The following CLSTN2 variants were observed in gnomAD, a reference collection of about 807,000 sequenced individuals.
CLSTN2 encodes the protein calsyntenin-2.
CLSTN2 carries 48 observed loss-of-function variants against 101.2 expected under a neutral mutation model. The observed-to-expected ratio is 0.47, with a 90% CI of 0.38 to 0.60. The LOEUF is 0.60. Ranked by LOEUF, CLSTN2 falls within the 20% of genes least tolerant of loss-of-function variation. The probability of loss-of-function intolerance (pLI) is 0.00; values close to 1 mark genes in which losing one functional copy is unlikely to be tolerated. For missense variants in CLSTN2, 1,160 were observed against 1,238.2 expected, an observed-to-expected ratio of 0.94 and a Z score of 0.95; for synonymous variants, 481 against 463.6, an observed-to-expected ratio of 1.04 and a Z score of -0.48.
intron 5 of CLSTN2, among the ~76,000 whole-genome samples, chr3:140,427,875 G>A (rs1217066797): frequency 6.6e-6 from 1 of 152,208 alleles, no homozygotes; most frequent in Non-Finnish European, 1.5e-5. Flanking sequence ...AGTGAACCCA[G>A]TTTGGTCTTC....
intron 2 of CLSTN2, among the ~76,000 whole-genome samples, chr3:140,328,288 C>T (rs987785202): frequency 1.3e-5 from 2 of 152,178 alleles, no homozygotes; most frequent in Non-Finnish European, 2.9e-5. Flanking sequence ...CCACGATAAT[C>T]AGCAGAGAGA....
chr3:140,284,972 C>G (rs1324288254), intron 2 of CLSTN2, among the ~76,000 whole-genome samples: 1 of 151,966 alleles, frequency 6.6e-6, no homozygotes, highest in Admixed American at 6.6e-5. Flanking sequence ...GGCTTGCATG[C>G]AGGTTTATTG....
chr3:139,938,556 A>T (rs1935069556), intron 1 of CLSTN2, among the ~76,000 whole-genome samples: 1 of 152,244 alleles, frequency 6.6e-6, no homozygotes, highest in Non-Finnish European at 1.5e-5. Context: ...AAAAAGATAA[A>T]TACTTCTTGG....
In CLSTN2 at chr3:140,034,727, T is replaced by A. The variant is rs182583110; in HGVS notation, c.109+99244T>A. ...GAAGTTTGGTATCTGTTGATAGCAA[T>A]CAACTCTTTTCCTCCAACCTCCTCA... On this transcript the variant is annotated intron_variant, in intron 1 of 16. Coordinates refer to ENST00000458420, the MANE Select transcript of CLSTN2 (RefSeq NM_022131.3). Among the ~76,000 whole-genome samples the A allele has an allele frequency of 2.0e-5, 3 of 152,326 alleles. No homozygotes were observed. The South Asian group carries it at 6.2e-4, about 32-fold the overall frequency.
At chr3:140,063,499 C>T (rs945006743) in intron 1 of CLSTN2, among the ~76,000 whole-genome samples, 13 of 152,184 alleles carry the variant, frequency 8.5e-5, no homozygotes, top group African/African-American at 2.9e-4. Context: ...ATATGCATTG[C>T]AGTCTCCAGG....
intron 1 of CLSTN2, among the ~76,000 whole-genome samples, chr3:140,132,674 C>A (rs1406109451): frequency 6.6e-6 from 1 of 152,172 alleles, no homozygotes; most frequent in Non-Finnish European, 1.5e-5. Flanking sequence ...GAAGTGAATT[C>A]TTTTAAAACA....
chr3:140,112,368 TG>T (rs752503528), intron 1 of CLSTN2, among the ~76,000 whole-genome samples: 8 of 151,466 alleles, frequency 5.3e-5, no homozygotes, highest in African/African-American at 2.0e-4. Context: ...TGTGTGTGTG[TG>T]TTTTTTACTA....
At chr3:140,348,325 A>G (rs2087569818) in intron 2 of CLSTN2, among the ~76,000 whole-genome samples, 1 of 152,202 alleles carries the variant, frequency 6.6e-6, no homozygotes, top group Non-Finnish European at 1.5e-5. Flanking sequence ...CAACTTTTAA[A>G]ACATGTATTT....
chr3:140,343,023 A>G (rs2107937291), intron 2 of CLSTN2, among the ~76,000 whole-genome samples: 1 of 152,248 alleles, frequency 6.6e-6, no homozygotes, highest in East Asian at 1.9e-4. Flanking sequence ...AGACGGGAGG[A>G]GTAGTCAAAG....
chr3:139,994,359 CA>C (rs1337323334), intron 1 of CLSTN2, among the ~76,000 whole-genome samples: 1 of 152,174 alleles, frequency 6.6e-6, no homozygotes, highest in Non-Finnish European at 1.5e-5. Context: ...CATCCATGTC[CA>C]TATCACTTAA....
chr3:140,203,473 T>G (rs1014171224), intron 2 of CLSTN2, among the ~76,000 whole-genome samples: 2 of 143,500 alleles, frequency 1.4e-5, no homozygotes, highest in African/African-American at 2.5e-5. Flanking sequence ...TTTTTTTTTT[T>G]TTTTTTTTTT....
intron 2 of CLSTN2, among the ~76,000 whole-genome samples, chr3:140,260,381 A>G (rs372191395): frequency 6.6e-6 from 1 of 151,902 alleles, no homozygotes; most frequent in Admixed American, 6.5e-5. Context: ...AGGTTGAGGA[A>G]TCTTTTTTCT....
chr3:140,136,435 A>T (rs1210450071), intron 1 of CLSTN2, among the ~76,000 whole-genome samples: 1 of 152,212 alleles, frequency 6.6e-6, no homozygotes, highest in Non-Finnish European at 1.5e-5. Context: ...GATGAAAATT[A>T]GTATTGTGCT....
chr3:140,308,983 G>A (rs757424931), intron 2 of CLSTN2, among the ~76,000 whole-genome samples: 22 of 152,166 alleles, frequency 1.4e-4, no homozygotes, highest in Non-Finnish European at 2.6e-4. Flanking sequence ...TTTACTAGCT[G>A]TGTAATCTTT....
intron 8 of CLSTN2, among the ~76,000 whole-genome samples, chr3:140,528,727 A>T (rs1168580983): frequency 6.6e-6 from 1 of 152,190 alleles, no homozygotes; most frequent in Non-Finnish European, 1.5e-5. Context: ...TGAAATATTA[A>T]CAGTTCTTCA....
At chr3:140,539,084 T>C (rs1352576277) in intron 9 of CLSTN2, among the ~76,000 whole-genome samples, 1 of 152,254 alleles carries the variant, frequency 6.6e-6, no homozygotes, top group Non-Finnish European at 1.5e-5. Flanking sequence ...CTAGCTGCTC[T>C]GAGAGATCCT....
At position 140,403,707 on chromosome 3, in the gene CLSTN2, G is replaced by A. The variant is rs2088269736; in HGVS notation, c.311G>A (p.Gly104Asp). 6.2e-7 allele frequency: 1 copy of A among 1,614,036 alleles called. No homozygotes were observed. ...GTGCTCAACAAGACATCAGGAGAGGGCCGGCTCCGTGCCAAGAGCCCCATT... is the reference window on the plus strand; with the variant it reads ...GTGCTCAACAAGACATCAGGAGAGGACCGGCTCCGTGCCAAGAGCCCCATT... ...AVVLNKTSGE[G>D]RLRAKSPIDC... The change falls in exon 3 of 17, where the codon GGC (glycine) becomes GAC (aspartate). Residue 104 changes from glycine to aspartate, a missense_variant. Gly to Asp is a moderately conservative substitution (Grantham distance 94). Coordinates refer to ENST00000458420, the MANE Select transcript of CLSTN2 (RefSeq NM_022131.3).
At chr3:140,146,206 G>A (rs1383444298) in intron 1 of CLSTN2, among the ~76,000 whole-genome samples, 1 of 152,208 alleles carries the variant, frequency 6.6e-6, no homozygotes, top group Admixed American at 6.5e-5. Context: ...GAAAAAAGTG[G>A]AATTTAATAA....
chr3:140,444,356 A>G (rs9850271), intron 5 of CLSTN2, among the ~76,000 whole-genome samples: 116,775 of 151,654 alleles, frequency 0.77, 45,290 homozygotes, highest in African/African-American at 0.84. Flanking sequence ...CTTGAACCCA[A>G]GAGGTGGAGG....
Sources: gnomAD v4.1 joint callset for allele counts (sites outside exome capture counted in the v4.1 genomes callset) on GRCh38, gnomAD v4.1.1 for gene constraint, MANE v1.5 for transcripts, NCBI Gene and HGNC (gene_info 2026-07-23, HGNC 2026-07-21) for gene names.